The following SORCS3 variants were observed in gnomAD, a reference collection of about 807,000 sequenced individuals.
SORCS3 encodes the protein VPS10 domain-containing receptor SorCS3.
SORCS3 carries 57 observed loss-of-function variants against 146.3 expected under a neutral mutation model. The observed-to-expected ratio is 0.39, with a 90% CI of 0.31 to 0.49. SORCS3 has a LOEUF of 0.49. Ranked by LOEUF, SORCS3 falls within the 20% of genes least tolerant of loss-of-function variation. The probability of loss-of-function intolerance (pLI) is 0.92; values close to 1 mark genes in which losing one functional copy is unlikely to be tolerated. For missense variants in SORCS3, 1,341 were observed against 1,575.5 expected, an observed-to-expected ratio of 0.85 and a Z score of 2.52; for synonymous variants, 653 against 618.5, an observed-to-expected ratio of 1.06 and a Z score of -0.83.
chr10:105,111,857 G>A (rs1317719341), intron 7 of SORCS3, among the ~76,000 whole-genome samples: 1 of 152,176 alleles, frequency 6.6e-6, no homozygotes, highest in Non-Finnish European at 1.5e-5. Context: ...AATTAAGTAG[G>A]TGAAGGAGAA....
intron 4 of SORCS3, among the ~76,000 whole-genome samples, chr10:105,018,742 T>A (rs1292515099): frequency 6.6e-6 from 1 of 152,220 alleles, no homozygotes; most frequent in Admixed American, 6.5e-5. Context: ...ATAGATATAG[T>A]TGCTCCTTCA....
intron 1 of SORCS3, 66 bp downstream of exon 1, chr10:104,642,020 G>C: frequency 5.3e-6 from 2 of 375,888 alleles, no homozygotes; most frequent in Admixed American, 3.5e-5. Context: ...GGGGGTGGGT[G>C]GGAGCGAGGG....
intron 3 of SORCS3, among the ~76,000 whole-genome samples, chr10:104,970,641 A>G (rs1023227162): frequency 3.9e-5 from 6 of 152,238 alleles, no homozygotes; most frequent in African/African-American, 1.2e-4. Context: ...TGAGTGAAAA[A>G]AAGTCATTAT....
At chr10:105,187,260 C>T (rs1234678387) in intron 14 of SORCS3, among the ~76,000 whole-genome samples, 2 of 152,184 alleles carry the variant, frequency 1.3e-5, no homozygotes, top group Non-Finnish European at 2.9e-5. Context: ...ATCTTTGCCG[C>T]TTTCCACTAC....
At chr10:104,900,719 T>C (rs2018843211) in intron 2 of SORCS3, among the ~76,000 whole-genome samples, 1 of 151,748 alleles carries the variant, frequency 6.6e-6, no homozygotes, top group Non-Finnish European at 1.5e-5. Context: ...TGAAACCCCG[T>C]CTCTACTAAA....
intron 7 of SORCS3, among the ~76,000 whole-genome samples, chr10:105,126,079 G>A (rs936317334): frequency 6.6e-6 from 1 of 152,054 alleles, no homozygotes; most frequent in African/African-American, 2.4e-5. Flanking sequence ...TTTTCTTCAA[G>A]CAAAACTTCA....
At chr10:104,718,727 G>A (rs2016508786) in intron 1 of SORCS3, among the ~76,000 whole-genome samples, 1 of 152,214 alleles carries the variant, frequency 6.6e-6, no homozygotes, top group African/African-American at 2.4e-5. Context: ...GACCATAACA[G>A]AAGGAAACTC....
intron 4 of SORCS3, among the ~76,000 whole-genome samples, chr10:105,034,161 T>A (rs2055289695): frequency 6.6e-6 from 1 of 152,150 alleles, no homozygotes; most frequent in African/African-American, 2.4e-5. Flanking sequence ...TGAGAGCAGA[T>A]GACAGTGGAC....
At chr10:104,847,440 C>A (rs2018218311) in intron 2 of SORCS3, among the ~76,000 whole-genome samples, 1 of 152,186 alleles carries the variant, frequency 6.6e-6, no homozygotes, top group Non-Finnish European at 1.5e-5. Context: ...AGTTAGCAAG[C>A]AATTCTCCAG....
At chr10:104,779,456 C>T (rs1008448430) in intron 1 of SORCS3, among the ~76,000 whole-genome samples, 1 of 152,128 alleles carries the variant, frequency 6.6e-6, no homozygotes. Flanking sequence ...GAATTTGCAG[C>T]AAGGAACAAA....
intron 1 of SORCS3, among the ~76,000 whole-genome samples, chr10:104,716,708 C>T (rs910813049): frequency 6.6e-6 from 1 of 152,178 alleles, no homozygotes; most frequent in Admixed American, 6.5e-5. Context: ...TCCTCCAGGA[C>T]CTTTAAGATC....
chr10:105,156,885 C>T lies in SORCS3; in HGVS notation c.1483-253C>T, dbSNP rs140844390. On this transcript the variant is annotated intron_variant, in intron 9 of 26. Transcript: ENST00000369701. ...AGTCCTATGGAACAAAGTACAGAGA[C>T]GAGCAAACTGGGAAAAAAACAGATG... 4.3e-3 allele frequency among the ~76,000 whole-genome samples: 649 copies of T among 151,552 alleles called. 3 individuals carry two copies. Among genetic ancestry groups the T allele is most frequent in the Non-Finnish European group, 7.5e-3 (506 of 67,648 alleles).
In SORCS3 at chr10:104,654,940, A is replaced by G. The variant is rs181748417; in HGVS notation, c.627+12986A>G. On this transcript the variant is annotated intron_variant, in intron 1 of 26. Transcript: ENST00000369701. The stretch of plus-strand genomic sequence containing the variant: ...TACACTCATTATCCAAATACCTTCA[A>G]TGTAAAACTCAACCAAAAGAAGTAG... 1.9e-3 allele frequency among the ~76,000 whole-genome samples: 291 copies of G among 152,294 alleles called. 1 individual carries two copies. Among genetic ancestry groups the G allele is most frequent in the African/African-American group, 3.8e-3 (160 of 41,572 alleles).
chr10:105,248,179 A>G (rs1442036503), intron 22 of SORCS3, among the ~76,000 whole-genome samples: 1 of 152,228 alleles, frequency 6.6e-6, no homozygotes, highest in Admixed American at 6.5e-5. Context: ...TTGATGAATA[A>G]AACATGGTCA....
At chr10:104,876,746 C>CCTTT (rs1446117942) in intron 2 of SORCS3, among the ~76,000 whole-genome samples, 4 of 132,776 alleles carry the variant, frequency 3.0e-5, no homozygotes, top group Admixed American at 2.3e-4. Flanking sequence ...TTCCTTCCTT[C>CCTTT]CTTTCTTTCT....
chr10:104,916,006 A>G (rs929680476), intron 3 of SORCS3, 74 bp downstream of exon 3: 2 of 1,125,342 alleles, frequency 1.8e-6, no homozygotes, highest in Non-Finnish European at 2.7e-6. Context: ...AGGTTAAGGA[A>G]AAAACTCAGT....
rs2056647181 is a variant in SORCS3 at position 105,213,543 on chromosome 10, C to T, written c.2376-899C>T. The stretch of plus-strand genomic sequence containing the variant: ...GTGTTTCTTTCATGTGGTTTTTTAC[C>T]AGAACATTTGTTTTTTCAGTGCAGC... On this transcript the variant is annotated intron_variant, in intron 17 of 26. Coordinates refer to ENST00000369701, the MANE Select transcript of SORCS3 (RefSeq NM_014978.3). 2.0e-5 allele frequency among the ~76,000 whole-genome samples: 3 copies of T among 152,068 alleles called. 1 individual carries two copies. The South Asian group carries it at 6.2e-4, about 32-fold the overall frequency.
intron 1 of SORCS3, among the ~76,000 whole-genome samples, chr10:104,789,625 A>G (rs556487624): frequency 6.6e-6 from 1 of 152,360 alleles, no homozygotes; most frequent in East Asian, 1.9e-4. Flanking sequence ...AAAAACTACA[A>G]TTGCTAAGAA....
intron 5 of SORCS3, among the ~76,000 whole-genome samples, chr10:105,060,464 A>G (rs2055478158): frequency 6.6e-6 from 1 of 152,150 alleles, no homozygotes; most frequent in African/African-American, 2.4e-5. Flanking sequence ...TCAGGGGCAG[A>G]GCATGCTCAG....
Sources: gnomAD v4.1 joint callset for allele counts (sites outside exome capture counted in the v4.1 genomes callset) on GRCh38, gnomAD v4.1.1 for gene constraint, MANE v1.5 for transcripts, NCBI Gene and HGNC (gene_info 2026-07-23, HGNC 2026-07-21) for gene names.